The following MDGA2 variants were observed in gnomAD, a reference collection of about 807,000 sequenced individuals.
MDGA2 encodes MAM domain-containing glycosylphosphatidylinositol anchor protein 2.
In MDGA2, 40 loss-of-function variants were observed where a neutral mutation model predicts 117.8. The observed-to-expected ratio is 0.34, with a 90% CI of 0.26 to 0.44. The LOEUF is 0.44. MDGA2 is among the 20% of genes least tolerant of loss of function. MDGA2 has a pLI of 1.00. For synonymous variants in MDGA2, 452 were observed against 439.0 expected, an observed-to-expected ratio of 1.03 and a Z score of -0.37; for missense variants, 1,123 against 1,250.6, an observed-to-expected ratio of 0.90 and a Z score of 1.54.
intron 10 of MDGA2, among the ~76,000 whole-genome samples, chr14:46,898,721 A>G (rs1217756267): frequency 6.6e-6 from 1 of 152,098 alleles, no homozygotes; most frequent in African/African-American, 2.4e-5. Flanking sequence ...TAAGAGATTT[A>G]TTTACTTCAG....
intron 1 of MDGA2, among the ~76,000 whole-genome samples, chr14:47,439,972 G>A (rs1892973047): frequency 1.3e-5 from 2 of 151,950 alleles, no homozygotes; most frequent in Admixed American, 1.3e-4. Flanking sequence ...ATTCTTTACA[G>A]AAAATGTACC....
At chr14:46,957,699 G>A in intron 8 of MDGA2, 56 bp from the exon 9 acceptor site, 3 of 1,592,562 alleles carry the variant, frequency 1.9e-6, no homozygotes, top group Non-Finnish European at 2.6e-6. Context: ...TAAGCCAAAA[G>A]CTACTCTTAT....
chr14:47,278,456 A>G (rs1486896069), intron 2 of MDGA2, among the ~76,000 whole-genome samples: 1 of 152,008 alleles, frequency 6.6e-6, no homozygotes, highest in Non-Finnish European at 1.5e-5. Flanking sequence ...CTGTGTTTTC[A>G]GCGAGACCAG....
chr14:46,839,962 A>G (rs1212017383), downstream of MDGA2: 2 of 152,036 alleles, frequency 1.3e-5, no homozygotes, highest in African/African-American at 4.8e-5. Flanking sequence ...TCCTATTAAA[A>G]TTTCTTTCTG....
At chr14:47,292,937 G>A (rs2139780659) in intron 2 of MDGA2, among the ~76,000 whole-genome samples, 1 of 152,244 alleles carries the variant, frequency 6.6e-6, no homozygotes, top group Non-Finnish European at 1.5e-5. Flanking sequence ...TGACCTTGTT[G>A]CTCTTCACAC....
At chr14:46,906,461 C>T (rs539366921) in intron 10 of MDGA2, among the ~76,000 whole-genome samples, 21 of 152,126 alleles carry the variant, frequency 1.4e-4, no homozygotes, top group African/African-American at 5.1e-4. Flanking sequence ...GATAGAAACA[C>T]TGAGCCTTGT....
At chr14:47,128,698 CTTTT>C (rs35221831) in intron 5 of MDGA2, among the ~76,000 whole-genome samples, 2 of 138,058 alleles carry the variant, frequency 1.4e-5, no homozygotes, top group African/African-American at 2.7e-5. Context: ...ATTTCCATCA[CTTTT>C]TTTTTTTTTT....
In MDGA2 at chr14:46,912,628, T is replaced by A. The variant is rs76910827; in HGVS notation, c.2238+7384A>T. Among the ~76,000 whole-genome samples, 1,506 of 152,288 alleles carry A rather than the reference T, an allele frequency of 9.9e-3. 20 individuals carry two copies. Among genetic ancestry groups the A allele is most frequent in the Non-Finnish European group, 0.013 (865 of 68,028 alleles). Reference sequence around the variant, plus strand: ...TTCACTCTTTTAAGTGTCTTTGAGGTTGCTTGTTTCCTCCACGTTTCTAAT... The same window carrying A: ...TTCACTCTTTTAAGTGTCTTTGAGGATGCTTGTTTCCTCCACGTTTCTAAT... On this transcript the variant is annotated intron_variant, in intron 10 of 16. Coordinates refer to ENST00000399232, the MANE Select transcript of MDGA2 (RefSeq NM_001113498.3).
chr14:47,281,922 C>T (rs1888503984), intron 2 of MDGA2, among the ~76,000 whole-genome samples: 1 of 151,574 alleles, frequency 6.6e-6, no homozygotes, highest in Non-Finnish European at 1.5e-5. Flanking sequence ...TCGGGTGTGG[C>T]GGCGCGCCTG....
intron 1 of MDGA2, among the ~76,000 whole-genome samples, chr14:47,402,975 A>G (rs1004518381): frequency 6.6e-6 from 1 of 152,166 alleles, no homozygotes; most frequent in Non-Finnish European, 1.5e-5. Flanking sequence ...TCTCTTCAGT[A>G]TATAATCTCT....
chr14:47,668,983 G>A (rs752373549), intron 1 of MDGA2, among the ~76,000 whole-genome samples: 3 of 152,134 alleles, frequency 2.0e-5, no homozygotes, highest in Non-Finnish European at 4.4e-5. Flanking sequence ...TATGAGTGAT[G>A]AATCGCCTCT....
intron 5 of MDGA2, among the ~76,000 whole-genome samples, chr14:47,123,764 G>C (rs993864843): frequency 2.0e-5 from 3 of 151,978 alleles, no homozygotes; most frequent in African/African-American, 7.2e-5. Flanking sequence ...CTTATTTCAA[G>C]ATTAATCATC....
chr14:47,672,297 TA>T (rs1898089206), intron 1 of MDGA2, among the ~76,000 whole-genome samples: 1 of 152,074 alleles, frequency 6.6e-6, no homozygotes, highest in Admixed American at 6.5e-5. Context: ...CACATCAATA[TA>T]AAAACAAAAC....
At chr14:47,306,321 A>G (rs536867701) in intron 1 of MDGA2, among the ~76,000 whole-genome samples, 2 of 152,198 alleles carry the variant, frequency 1.3e-5, no homozygotes, top group South Asian at 4.1e-4. Context: ...TCGCCATGGA[A>G]CTCACATTAC....
intron 1 of MDGA2, among the ~76,000 whole-genome samples, chr14:47,602,577 A>G (rs1337574159): frequency 1.3e-5 from 2 of 152,168 alleles, no homozygotes; most frequent in Non-Finnish European, 2.9e-5. Context: ...CAATGTCTCT[A>G]TCAAAAACTA....
At chr14:47,559,233 C>A (rs1266268603) in intron 1 of MDGA2, among the ~76,000 whole-genome samples, 4 of 152,132 alleles carry the variant, frequency 2.6e-5, no homozygotes, top group Non-Finnish European at 5.9e-5. Context: ...AATCTTCACC[C>A]TCCTCCCTCC....
chr14:47,086,567 A>AT (rs1890908936), intron 6 of MDGA2, among the ~76,000 whole-genome samples: 1 of 151,844 alleles, frequency 6.6e-6, no homozygotes, highest in East Asian at 1.9e-4. Context: ...CCCATTACTT[A>AT]TTTTTTGAAA....
intron 1 of MDGA2, among the ~76,000 whole-genome samples, chr14:47,553,352 A>G (rs1895622331): frequency 6.6e-6 from 1 of 152,224 alleles, no homozygotes; most frequent in Admixed American, 6.5e-5. Flanking sequence ...TGATGTCTAG[A>G]AATCAACTAG....
At chr14:47,342,727 A>C in intron 1 of MDGA2, among the ~76,000 whole-genome samples, 1 of 152,128 alleles carries the variant, frequency 6.6e-6, no homozygotes, top group Middle Eastern at 3.2e-3. Flanking sequence ...AGTCTGGAGA[A>C]TGGGTGCTCA....
Sources: gnomAD v4.1 joint callset for allele counts (sites outside exome capture counted in the v4.1 genomes callset) on GRCh38, gnomAD v4.1.1 for gene constraint, MANE v1.5 for transcripts, NCBI Gene and HGNC (gene_info 2026-07-23, HGNC 2026-07-21) for gene names.